Variants in SLC24A2 observed in about 807,000 individuals in gnomAD.
SLC24A2 encodes the protein solute carrier family 24 member 2.
In SLC24A2, 36 loss-of-function variants were observed where a neutral mutation model predicts 62.0. That is an observed-to-expected ratio of 0.58 (90% confidence interval 0.44 to 0.77). SLC24A2 has a LOEUF of 0.77. Ranked by LOEUF, SLC24A2 falls within the 30% of genes least tolerant of loss-of-function variation. The pLI, the probability that SLC24A2 is intolerant of heterozygous loss-of-function variation, is 0.00. For missense variants in SLC24A2, 846 were observed against 817.9 expected (o/e 1.03, Z -0.42); for synonymous variants, 358 against 294.0 (o/e 1.22, Z -2.23).
chr9:19,990,927 A>ATATATGTG, the SLC24A2 span, among the ~76,000 whole-genome samples: 434 of 144,902 alleles, frequency 3.0e-3, 36 homozygotes, highest in African/African-American at 0.011. Flanking sequence ...AATAGGATAT[A>ATATATGTG]TATATATATG....
intron 2 of SLC24A2, among the ~76,000 whole-genome samples, chr9:19,706,812 C>T (rs1443295881): frequency 6.6e-6 from 1 of 151,940 alleles, no homozygotes; most frequent in Non-Finnish European, 1.5e-5. Context: ...AGGAAAGATC[C>T]AAAATTGACA....
the SLC24A2 span, among the ~76,000 whole-genome samples, chr9:20,087,625 T>G: frequency 6.6e-6 from 1 of 152,212 alleles, no homozygotes; most frequent in Non-Finnish European, 1.5e-5. Flanking sequence ...TATTTGGATG[T>G]TCTAGAGCTG....
At chr9:19,829,832 C>T in the SLC24A2 span, among the ~76,000 whole-genome samples, 1 of 137,030 alleles carries the variant, frequency 7.3e-6, no homozygotes, top group Non-Finnish European at 1.6e-5. Context: ...CACACACACA[C>T]ACACACACAT....
chr9:20,011,945 G>A, the SLC24A2 span, among the ~76,000 whole-genome samples: 3 of 152,120 alleles, frequency 2.0e-5, no homozygotes, highest in African/African-American at 4.8e-5. Flanking sequence ...AAAATCATAT[G>A]ATCACCTCAA....
At chr9:19,840,508 T>G in the SLC24A2 span, among the ~76,000 whole-genome samples, 1 of 152,186 alleles carries the variant, frequency 6.6e-6, no homozygotes, top group Admixed American at 6.5e-5. Context: ...ATGACTTGAT[T>G]TCTGGGGAAT....
chr9:20,172,766 C>T, the SLC24A2 span, among the ~76,000 whole-genome samples: 1 of 151,978 alleles, frequency 6.6e-6, no homozygotes, highest in Non-Finnish European at 1.5e-5. Context: ...TTCTACCAGA[C>T]ATTCGAAGAA....
chr9:19,973,075 C>A, the SLC24A2 span, among the ~76,000 whole-genome samples: 2 of 152,090 alleles, frequency 1.3e-5, no homozygotes, highest in East Asian at 3.9e-4. Flanking sequence ...CAGTGGTGTG[C>A]GACTGTAGTC....
At chr9:20,083,533 T>G in the SLC24A2 span, among the ~76,000 whole-genome samples, 1 of 152,232 alleles carries the variant, frequency 6.6e-6, no homozygotes, top group African/African-American at 2.4e-5. Flanking sequence ...ATTACCGTGC[T>G]TCTCACATGC....
At chr9:19,570,549 C>A (rs1036512785) in intron 7 of SLC24A2, among the ~76,000 whole-genome samples, 2 of 152,184 alleles carry the variant, frequency 1.3e-5, no homozygotes, top group African/African-American at 2.4e-5. Context: ...ATATTATATA[C>A]ATAAAACCAT....
the SLC24A2 span, among the ~76,000 whole-genome samples, chr9:19,933,235 A>G: frequency 1.3e-5 from 2 of 152,274 alleles, no homozygotes; most frequent in Middle Eastern, 3.4e-3. Context: ...ATGCTAAGGT[A>G]CCCCTCTTGC....
chr9:19,577,602 T>G (rs1456235148), intron 5 of SLC24A2, among the ~76,000 whole-genome samples: 1 of 152,180 alleles, frequency 6.6e-6, no homozygotes, highest in African/African-American at 2.4e-5. Flanking sequence ...GCTTTCCAAA[T>G]TAGCTGAGTC....
At chr9:19,555,236 C>CCTAA (rs1246354351) in intron 7 of SLC24A2, among the ~76,000 whole-genome samples, 3 of 152,114 alleles carry the variant, frequency 2.0e-5, no homozygotes, top group African/African-American at 7.2e-5. Context: ...GCAAGTTTAT[C>CCTAA]CTAACTGATC....
At position 19,764,561 on chromosome 9, in the gene SLC24A2, G is replaced by A. The variant is rs544441177; in HGVS notation, c.930+21376C>T. On this transcript the variant is annotated intron_variant, in intron 2 of 10. Transcript: ENST00000341998. ...TTTCTGTCTTAATTTTGTTATTTAC[G>A]CAGTAGTCATTCAGGAGCAAGTTAT... Among the ~76,000 whole-genome samples the A allele has an allele frequency of 7.9e-5, 12 of 152,190 alleles. No homozygotes were observed. The South Asian group carries it at 1.9e-3, about 24-fold the overall frequency.
At chr9:19,636,343 C>CT (rs1244418245) in intron 2 of SLC24A2, among the ~76,000 whole-genome samples, 7 of 29,668 alleles carry the variant, frequency 2.4e-4, no homozygotes, top group Admixed American at 1.4e-3. Flanking sequence ...TTCTTTCTTT[C>CT]TTTCTTTCTT....
the SLC24A2 span, among the ~76,000 whole-genome samples, chr9:20,177,318 C>T: frequency 9.2e-5 from 14 of 152,164 alleles, no homozygotes; most frequent in African/African-American, 2.2e-4. Context: ...CTGTTATTAC[C>T]GTATTTACTT....
the SLC24A2 span, among the ~76,000 whole-genome samples, chr9:20,106,400 G>C: frequency 1.3e-5 from 2 of 152,134 alleles, no homozygotes; most frequent in East Asian, 3.9e-4. Context: ...AACCAAAAAA[G>C]AGAATTTTAG....
At chr9:19,696,936 C>A (rs557960234) in intron 2 of SLC24A2, among the ~76,000 whole-genome samples, 3 of 151,972 alleles carry the variant, frequency 2.0e-5, no homozygotes, top group African/African-American at 7.2e-5. Context: ...TTGTCATGTA[C>A]CTGGTTTGAA....
At chr9:19,731,717 G>T (rs1821344444) in intron 2 of SLC24A2, among the ~76,000 whole-genome samples, 1 of 152,168 alleles carries the variant, frequency 6.6e-6, no homozygotes, top group Non-Finnish European at 1.5e-5. Flanking sequence ...TCTTATAGCA[G>T]CCCAAGCTGA....
the SLC24A2 span, among the ~76,000 whole-genome samples, chr9:20,016,321 T>C: frequency 6.6e-6 from 1 of 152,314 alleles, no homozygotes; most frequent in African/African-American, 2.4e-5. Flanking sequence ...ATACATACAA[T>C]ACCAATTCTA....
Sources: allele counts gnomAD v4.1 joint callset (sites outside exome capture counted in the v4.1 genomes callset), GRCh38; gene constraint gnomAD v4.1.1; transcripts MANE v1.5; gene names NCBI Gene and HGNC (gene_info 2026-07-23, HGNC 2026-07-21).